Variants in MYLK3 observed in about 807,000 individuals in gnomAD.
MYLK3 encodes MLC kinase.
Under a neutral mutation model 76.3 loss-of-function variants are expected in MYLK3, and 55 were observed. That is an observed-to-expected ratio of 0.72 (90% confidence interval 0.58 to 0.90). MYLK3 has a LOEUF of 0.90. Ranked by LOEUF, MYLK3 falls within the 40% of genes least tolerant of loss-of-function variation. The pLI is 0.00. For missense variants in MYLK3, 973 were observed against 1,053.6 expected, an observed-to-expected ratio of 0.92 and a Z score of 1.06; for synonymous variants, 416 against 425.4, an observed-to-expected ratio of 0.98 and a Z score of 0.27.
intron 1 of MYLK3, chr16:46,757,616 A>C: frequency 1.0e-6 from 1 of 985,080 alleles, no homozygotes. Context: ...GGCCAGGATG[A>C]TTTCTCTGGA....
intron 7 of MYLK3, among the ~76,000 whole-genome samples, chr16:46,728,143 C>CT (rs1221599257): frequency 6.6e-6 from 1 of 152,220 alleles, no homozygotes; most frequent in African/African-American, 2.4e-5. Context: ...GTTTTACTCT[C>CT]TTCAGCTCTG....
intron 1 of MYLK3, among the ~76,000 whole-genome samples, chr16:46,742,288 A>G (rs546100145): frequency 6.6e-6 from 1 of 152,058 alleles, no homozygotes; most frequent in South Asian, 2.1e-4. Flanking sequence ...GGGGCGTGGT[A>G]GCTCACGCCT....
At chr16:46,726,711 AAGAAAGAAAG>A in intron 8 of MYLK3, 1 of 150,210 alleles carries the variant, frequency 6.7e-6, no homozygotes, top group Non-Finnish European at 1.5e-5. Context: ...GAAAGAAAGA[AAGAAAGAAAG>A]AAAGAAAGAA....
chr16:46,712,637 TA>T lies in MYLK3; in HGVS notation c.2114+10del. On this transcript the variant is annotated intron_variant, in intron 10 of 12. Transcript: ENST00000394809. ...TGTCCCCACTTCAGAGCCAGGGTGCTAAGCACTCACAGCATGTAGGTGATGA... is the reference window on the plus strand; with the variant it reads ...TGTCCCCACTTCAGAGCCAGGGTGCTAGCACTCACAGCATGTAGGTGATGA... 6.8e-7 allele frequency: 1 copy of T among 1,481,136 alleles called. No individual in the cohort carries two copies. Among genetic ancestry groups the T allele is most frequent in the Non-Finnish European group, 9.0e-7 (1 of 1,111,668 alleles). The allele number at this position is 1,481,136 out of a possible 1,614,324, so 91.7% of individuals were successfully genotyped here. A position where few individuals can be genotyped will look rare whatever the true frequency, so the allele number is the denominator to read the frequency against.
At chr16:46,710,584 A>G (rs904981618) in intron 11 of MYLK3, 53 bp downstream of exon 11, 1 of 1,602,314 alleles carries the variant, frequency 6.2e-7, no homozygotes, top group Non-Finnish European at 8.5e-7. Flanking sequence ...CCCAGCTCCC[A>G]GACCTGGGGT....
At chr16:46,730,442 C>CA (rs1966850356) in intron 5 of MYLK3, 151 bp downstream of exon 5, 1 of 649,600 alleles carries the variant, frequency 1.5e-6, no homozygotes, top group African/African-American at 1.8e-5. Context: ...ACCATGCACC[C>CA]CATGCTGTAC....
chr16:46,731,822 G>T (rs552125910), intron 4 of MYLK3, among the ~76,000 whole-genome samples: 1 of 152,116 alleles, frequency 6.6e-6, no homozygotes, highest in Non-Finnish European at 1.5e-5. Context: ...CAGGCACAGC[G>T]GCTTATGCCT....
chr16:46,750,647 T>C (rs1289410159), upstream of MYLK3, among the ~76,000 whole-genome samples: 2 of 151,810 alleles, frequency 1.3e-5, no homozygotes, highest in East Asian at 3.9e-4. Context: ...TGAGCCAAGA[T>C]TGCGCCACTG....
intron 9 of MYLK3, among the ~76,000 whole-genome samples, chr16:46,717,569 T>C (rs1216876490): frequency 6.6e-6 from 1 of 151,868 alleles, no homozygotes; most frequent in Non-Finnish European, 1.5e-5. Context: ...TGCACCCTGT[T>C]CTCAGCCCAT....
At chr16:46,736,413 A>G (rs1395930108) in intron 3 of MYLK3, among the ~76,000 whole-genome samples, 2 of 152,226 alleles carry the variant, frequency 1.3e-5, no homozygotes, top group African/African-American at 2.4e-5. Context: ...AAGGGCAGGT[A>G]GTGATCTCCT....
chr16:46,733,195 C>T (rs574367755), intron 3 of MYLK3, among the ~76,000 whole-genome samples: 1 of 152,180 alleles, frequency 6.6e-6, no homozygotes, highest in African/African-American at 2.4e-5. Context: ...GACCCCACCT[C>T]TACAAAAAAT....
Position 46,729,906 on chromosome 16 carries a change from C to A in MYLK3, c.1569-219G>T, listed in dbSNP as rs889714931. ...CCAGGCCATTCCACATCCCAGGGAACATCCCCTCATCCCTCACCACTGAGG... is the reference window on the plus strand; with the variant it reads ...CCAGGCCATTCCACATCCCAGGGAAAATCCCCTCATCCCTCACCACTGAGG... On this transcript the variant is annotated intron_variant, in intron 5 of 12. Coordinates refer to ENST00000394809, the MANE Select transcript of MYLK3 (RefSeq NM_182493.3). 3 of 598,872 alleles carry A rather than the reference C, an allele frequency of 5.0e-6. No individual in the cohort carries two copies. The African/African-American group carries it at 5.6e-5, about 11-fold the overall frequency. The allele number at this position is 598,872 out of a possible 1,614,324, so 37.1% of individuals were successfully genotyped here. A position where few individuals can be genotyped will look rare whatever the true frequency, so the allele number is the denominator to read the frequency against.
At chr16:46,717,794 A>T (rs988236530) in intron 9 of MYLK3, among the ~76,000 whole-genome samples, 8 of 152,240 alleles carry the variant, frequency 5.3e-5, no homozygotes, top group Non-Finnish European at 8.8e-5. Context: ...AGCATTTGCC[A>T]GCATAGCAGC....
intron 1 of MYLK3, among the ~76,000 whole-genome samples, chr16:46,755,488 A>T (rs1277682281): frequency 6.6e-6 from 1 of 151,954 alleles, no homozygotes; most frequent in Admixed American, 6.6e-5. Context: ...AAGAAACAAT[A>T]GCTTCAACCT....
At chr16:46,722,498 T>G (rs1215164046) in intron 8 of MYLK3, among the ~76,000 whole-genome samples, 3 of 152,238 alleles carry the variant, frequency 2.0e-5, no homozygotes, top group Non-Finnish European at 4.4e-5. Flanking sequence ...ATTCCTCAGA[T>G]AGGTGTGAGA....
intron 5 of MYLK3, chr16:46,729,926 C>G: frequency 1.7e-6 from 1 of 590,556 alleles, no homozygotes; most frequent in Non-Finnish European, 3.0e-6. Flanking sequence ...TCCCTCACCA[C>G]TGAGGCCATC....
chr16:46,744,553 G>T (rs1416670352), intron 1 of MYLK3, among the ~76,000 whole-genome samples: 3 of 149,168 alleles, frequency 2.0e-5, no homozygotes, highest in Non-Finnish European at 3.0e-5. Context: ...TGTTGGCCAG[G>T]CTGGTCTCGA....
chr16:46,717,707 G>T (rs557035380), intron 9 of MYLK3, among the ~76,000 whole-genome samples: 1 of 152,270 alleles, frequency 6.6e-6, no homozygotes, highest in African/African-American at 2.4e-5. Flanking sequence ...TTGGTAGTGT[G>T]TAATTAGCAA....
At chr16:46,713,489 C>T (rs1051231535) in intron 9 of MYLK3, among the ~76,000 whole-genome samples, 1 of 152,164 alleles carries the variant, frequency 6.6e-6, no homozygotes, top group African/African-American at 2.4e-5. Flanking sequence ...TGAGCCACTA[C>T]ACCCAGCCGG....
Sources: gnomAD v4.1 joint callset for allele counts (sites outside exome capture counted in the v4.1 genomes callset) on GRCh38, gnomAD v4.1.1 for gene constraint, MANE v1.5 for transcripts, NCBI Gene and HGNC (gene_info 2026-07-23, HGNC 2026-07-21) for gene names.